Variants in DNAH8 observed in about 807,000 individuals in gnomAD.
DNAH8 encodes axonemal beta dynein heavy chain 8.
DNAH8 carries 382 observed loss-of-function variants against 562.1 expected under a neutral mutation model. The observed-to-expected ratio is 0.68, with a 90% CI of 0.63 to 0.74. The LOEUF (loss-of-function observed/expected upper bound fraction) is 0.74. Among genes scored for constraint, DNAH8 ranks in the 30% least tolerant of loss-of-function variants. The pLI is 0.00. For missense variants in DNAH8, 5,203 were observed against 5,620.4 expected (o/e 0.93, Z 2.37); for synonymous variants, 1,881 against 1,919.4 (o/e 0.98, Z 0.52).
chr6:38,898,115 T>C (rs370323469), intron 60 of DNAH8, 143 bp from the exon 61 acceptor site: 8 of 721,416 alleles, frequency 1.1e-5, no homozygotes, highest in Non-Finnish European at 1.7e-5. Flanking sequence ...AGTAGACTAA[T>C]ACGTGAGAAA....
intron 10 of DNAH8, among the ~76,000 whole-genome samples, chr6:38,760,057 A>G (rs1436269438): frequency 6.6e-6 from 1 of 152,242 alleles, no homozygotes; most frequent in East Asian, 1.9e-4. Flanking sequence ...AACATTGTGA[A>G]TCAACAAGTA....
intron 88 of DNAH8, among the ~76,000 whole-genome samples, chr6:38,998,622 A>G (rs1219761965): frequency 6.6e-6 from 1 of 152,138 alleles, no homozygotes; most frequent in Non-Finnish European, 1.5e-5. Context: ...GTAAATCTAG[A>G]CTGATTTGGA....
rs1338904515 is a variant in DNAH8, at chr6:38,775,846, T to C, written c.1857T>C (p.Asn619=). 1 of 1,607,618 alleles carries C rather than the reference T, an allele frequency of 6.2e-7. No individual in the cohort carries two copies. Among genetic ancestry groups the C allele is most frequent in the African/African-American group, 1.3e-5 (1 of 74,868 alleles). The change falls in exon 13 of 93, where the codon AAT becomes AAC. Residue 619 remains asparagine (N), a synonymous_variant. Coordinates refer to ENST00000327475, the MANE Select transcript of DNAH8 (RefSeq NM_001206927.2). The part of the protein sequence containing the change: ...GIDIMAIKFR[N]IYQGVKKKQY... ...ATATTATGGCAATAAAATTCAGAAA[T>C]ATATACCAAGGGGTTAAGAAAAAGC...
chr6:38,971,738 C>T, intron 83 of DNAH8, 73 bp downstream of exon 83: 1 of 1,187,006 alleles, frequency 8.4e-7, no homozygotes, highest in Non-Finnish European at 1.2e-6. Context: ...TTACCACATT[C>T]TTCTCGTGAT....
chr6:38,770,573 A>G lies in DNAH8; in HGVS notation c.1764+14A>G, dbSNP rs1310808963. ...AGACTGGAGAAGGTAAGCATTATGCAGTCATCGTACCCCACTCCACACCAC... is the reference window on the plus strand; with the variant it reads ...AGACTGGAGAAGGTAAGCATTATGCGGTCATCGTACCCCACTCCACACCAC... On this transcript the variant is annotated intron_variant, in intron 12 of 92. Transcript: ENST00000327475. The G allele has an allele frequency of 3.8e-6, 6 of 1,581,320 alleles. No homozygotes were observed. The highest frequency in any genetic ancestry group is 5.1e-6 in the Non-Finnish European group (6 of 1,168,226).
intron 82 of DNAH8, among the ~76,000 whole-genome samples, chr6:38,957,877 A>C (rs1301765369): frequency 6.6e-6 from 1 of 151,268 alleles, no homozygotes; most frequent in East Asian, 1.9e-4. Flanking sequence ...AAAAAAAAAA[A>C]AAAAAAAAAA....
intron 91 of DNAH8, among the ~76,000 whole-genome samples, chr6:39,019,244 G>A (rs770514540): frequency 6.6e-5 from 10 of 152,152 alleles, no homozygotes; most frequent in East Asian, 1.9e-4. Flanking sequence ...CCAGGCAGGC[G>A]GCACCTCGCA....
chr6:39,030,431 G>A lies in DNAH8; in HGVS notation c.*39G>A, dbSNP rs770876766. The A allele has an allele frequency of 4.1e-5, 64 of 1,575,432 alleles. No homozygotes were observed. In the South Asian group the frequency reaches 7.1e-4, roughly 17 times the overall value. On this transcript the variant is annotated 3_prime_UTR_variant, in exon 93 of 93. Coordinates refer to ENST00000327475, the MANE Select transcript of DNAH8 (RefSeq NM_001206927.2). ...TGCTCAGGGCACCAGAACCCACATA[G>A]ACAGCCTGTGCTATTGAGGGACTCA...
intron 80 of DNAH8, 32 bp from the exon 81 acceptor site, chr6:38,949,420 C>A: frequency 7.7e-7 from 1 of 1,297,168 alleles, no homozygotes; most frequent in Non-Finnish European, 1.1e-6. Context: ...ACATATAGTT[C>A]TGTGGCTTGC....
chr6:39,002,974 G>T (rs1007245187), intron 88 of DNAH8, among the ~76,000 whole-genome samples: 1 of 152,178 alleles, frequency 6.6e-6, no homozygotes, highest in Non-Finnish European at 1.5e-5. Flanking sequence ...GTCCAGATGT[G>T]GCATTCTAGC....
At chr6:38,876,923 G>A (rs1382023243) in intron 53 of DNAH8, among the ~76,000 whole-genome samples, 1 of 152,172 alleles carries the variant, frequency 6.6e-6, no homozygotes, top group Non-Finnish European at 1.5e-5. Flanking sequence ...TTTTCAGTGG[G>A]CCATCTTTAA....
chr6:39,004,697 A>G (rs1349303439), intron 88 of DNAH8, among the ~76,000 whole-genome samples: 1 of 124,202 alleles, frequency 8.1e-6, no homozygotes, highest in Non-Finnish European at 1.7e-5. Context: ...CCAGGCTGTC[A>G]TCCCCAGCCT....
At chr6:38,793,519 GATT>G in intron 21 of DNAH8, among the ~76,000 whole-genome samples, 1 of 151,730 alleles carries the variant, frequency 6.6e-6, no homozygotes, top group South Asian at 2.1e-4. Context: ...GTCCTTTTTG[GATT>G]CTCCTATTTT....
chr6:38,945,470 G>T lies in DNAH8; in HGVS notation c.12011G>T (p.Gly4004Val), dbSNP rs1472264977. ...CCTGTCTGACGCTCTTCCCCAGGGG[G>T]AGCAGCTCTGGACCTGAAAGCCTGT... is the stretch of plus-strand genomic sequence containing the variant. Reference protein sequence around the residue: ...HREFQALIKGGAALDLKACPP... With the variant: ...HREFQALIKGVAALDLKACPP... The change falls in exon 80 of 93, where the codon GGA becomes GTA. Residue 4004 changes from glycine (G) to valine (V), a missense_variant. This residue lies in a region of DNAH8 where 1,399 missense variants were observed against 1,518.4 expected (regional missense o/e 0.92). Coordinates refer to ENST00000327475, the MANE Select transcript of DNAH8 (RefSeq NM_001206927.2). The T allele has an allele frequency of 6.2e-7, 1 of 1,613,966 alleles. No homozygotes were observed. The highest frequency in any genetic ancestry group is 1.7e-5 in the Admixed American group (1 of 60,008).
At chr6:38,755,874 A>G (rs1340673072) in intron 9 of DNAH8, 98 bp from the exon 10 acceptor site, 7 of 728,854 alleles carry the variant, frequency 9.6e-6, no homozygotes, top group Non-Finnish European at 1.4e-5. Flanking sequence ...AAAATGCTAT[A>G]CTATTTTGTG....
chr6:39,022,401 A>C (rs1766977845), intron 91 of DNAH8, among the ~76,000 whole-genome samples: 1 of 152,164 alleles, frequency 6.6e-6, no homozygotes, highest in Non-Finnish European at 1.5e-5. Context: ...CCTGTGAGCC[A>C]CTACTCTGAT....
chr6:38,916,787 A>G (rs115874850), intron 68 of DNAH8, among the ~76,000 whole-genome samples: 1,793 of 152,302 alleles, frequency 0.012, 30 homozygotes, highest in African/African-American at 0.041. Context: ...TTTATGAGCC[A>G]TATATTACAG....
chr6:38,982,795 G>C (rs1357669322), intron 86 of DNAH8, among the ~76,000 whole-genome samples: 2 of 152,172 alleles, frequency 1.3e-5, no homozygotes, highest in Non-Finnish European at 2.9e-5. Context: ...AAGTGAAGAT[G>C]GTATCTGCCT....
intron 52 of DNAH8, 26 bp from the exon 53 acceptor site, chr6:38,875,565 A>G: frequency 7.5e-7 from 1 of 1,334,824 alleles, no homozygotes; most frequent in Non-Finnish European, 1.0e-6. Flanking sequence ...TAATTTAAAA[A>G]TTTATTTTAT....
Sources: allele counts gnomAD v4.1 joint callset (sites outside exome capture counted in the v4.1 genomes callset), GRCh38; gene constraint gnomAD v4.1.1; regional missense constraint gnomAD v4.1.1; transcripts MANE v1.5; gene names NCBI Gene and HGNC (gene_info 2026-07-23, HGNC 2026-07-21).